The following ADA variants were observed in gnomAD, a reference collection of about 807,000 sequenced individuals.
ADA encodes adenosine aminohydrolase.
A neutral mutation model predicts 49.0 loss-of-function variants in ADA; 45 were observed. The ratio of observed to expected loss-of-function variants is 0.92; its 90% CI spans 0.72 to 1.18. ADA has a LOEUF of 1.18. Among genes scored for constraint, ADA ranks in the 50% most tolerant of loss-of-function variants. The pLI, the probability that ADA is intolerant of heterozygous loss-of-function variation, is 0.00. For synonymous variants in ADA, 173 were observed against 184.2 expected, an observed-to-expected ratio of 0.94 and a Z score of 0.49; for missense variants, 445 against 472.5, an observed-to-expected ratio of 0.94 and a Z score of 0.54.
Position 44,619,795 on chromosome 20 carries a change from G to T in ADA, c.*39C>A. 2.5e-6 allele frequency: 4 copies of T among 1,613,940 alleles called. No individual in the cohort carries two copies. The highest frequency in any genetic ancestry group is 3.4e-6 in the Non-Finnish European group (4 of 1,179,824). On this transcript the variant is annotated 3_prime_UTR_variant, in exon 12 of 12. Coordinates refer to ENST00000372874, the MANE Select transcript of ADA (RefSeq NM_000022.4). ...ATGTTGCTCAGCCCCACAGAGTTGG[G>T]GTGACTCCACAGGGTGAAGGCTTGG...
rs541716298 is a variant in ADA at position 44,644,336 on chromosome 20, C to T, written c.33+7239G>A. On this transcript the variant is annotated intron_variant, in intron 1 of 11. Coordinates refer to ENST00000372874, the MANE Select transcript of ADA (RefSeq NM_000022.4). Reference sequence around the variant, plus strand: ...ATCATGTCGTGTCCTCAGCACCTCGCACAGCACCTAGTGCTCTCTGTGTTC... The same window carrying T: ...ATCATGTCGTGTCCTCAGCACCTCGTACAGCACCTAGTGCTCTCTGTGTTC... Among the ~76,000 whole-genome samples, 18 of 152,218 alleles carry T rather than the reference C, an allele frequency of 1.2e-4. No individual in the cohort carries two copies. The South Asian group carries it at 2.5e-3, about 21-fold the overall frequency.
rs2065308786 is a variant in ADA, at chr20:44,619,670, G to T, written c.*164C>A. The stretch of plus-strand genomic sequence containing the variant: ...ATAATCAGAGAAGTGACGCGGCCAT[G>T]CCGAGGTATACGTGTGTGCAGAAAT... On this transcript the variant is annotated 3_prime_UTR_variant, in exon 12 of 12. Transcript: ENST00000372874. The T allele has an allele frequency of 2.2e-6, 2 of 890,468 alleles. No individual in the cohort carries two copies. Among genetic ancestry groups the T allele is most frequent in the Non-Finnish European group, 3.6e-6 (2 of 553,328 alleles). The allele number at this position is 890,468 out of a possible 1,614,324, so 55.2% of individuals were successfully genotyped here.
intron 5 of ADA, 74 bp from the exon 6 acceptor site, chr20:44,624,403 C>T (rs1410383629): frequency 2.5e-6 from 4 of 1,599,058 alleles, no homozygotes; most frequent in Non-Finnish European, 3.4e-6. Flanking sequence ...TGCCTGCTGT[C>T]CCACCCAAAC....
intron 3 of ADA, among the ~76,000 whole-genome samples, chr20:44,627,374 C>T (rs1008293107): frequency 5.3e-5 from 8 of 151,964 alleles, no homozygotes; most frequent in Non-Finnish European, 8.8e-5. Flanking sequence ...GTAGAGACAG[C>T]GTTTCGCTGT....
rs771872291 is a variant in ADA at position 44,624,306 on chromosome 20, G to A, written c.502C>T (p.Leu168=). 6.2e-7 allele frequency: 1 copy of A among 1,613,848 alleles called. No homozygotes were observed. The highest frequency in any genetic ancestry group is 1.1e-5 in the South Asian group (1 of 91,078). ...GTCTGCTGCTGGTACTTCTTACACA[G>A]CTCCACCACCTTGGGGGACCAGTCT... ...QPNWSPKVVE[L]CKKYQQQTVV... Residue 168 remains leucine, a synonymous_variant, in exon 6 of 12, where the codon CTG becomes TTG. Transcript: ENST00000372874.
chr20:44,647,184 C>T (rs1330967439), intron 1 of ADA, among the ~76,000 whole-genome samples: 2 of 152,004 alleles, frequency 1.3e-5, no homozygotes, highest in African/African-American at 4.8e-5. Context: ...CCTGTAATCC[C>T]GGCACTTTGG....
rs369823091 is a variant in ADA at position 44,632,691 on chromosome 20, T to G, written c.96-3522A>C. 1.7e-4 allele frequency among the ~76,000 whole-genome samples: 26 copies of G among 152,282 alleles called. 1 individual carries two copies. The highest frequency in any genetic ancestry group is 8.5e-4 in the Admixed American group (13 of 15,282). ...CCTCATAGGGCCACCCTCTGTTTTT[T>G]CTTTTGTTTTGTTTTTTTGAGACGG... On this transcript the variant is annotated intron_variant, in intron 2 of 11. Coordinates refer to ENST00000372874, the MANE Select transcript of ADA (RefSeq NM_000022.4).
At chr20:44,645,088 A>C (rs1310423166) in intron 1 of ADA, among the ~76,000 whole-genome samples, 1 of 152,204 alleles carries the variant, frequency 6.6e-6, no homozygotes, top group Non-Finnish European at 1.5e-5. Context: ...ACTGATGCTA[A>C]CATCTAAACA....
intron 1 of ADA, among the ~76,000 whole-genome samples, chr20:44,648,496 A>C (rs2065613575): frequency 6.6e-6 from 1 of 152,044 alleles, no homozygotes; most frequent in Non-Finnish European, 1.5e-5. Context: ...TTTTGGGTTA[A>C]ATGAAGGTTA....
chr20:44,630,294 G>A lies in ADA; in HGVS notation c.96-1125C>T, dbSNP rs535242673. On this transcript the variant is annotated intron_variant, in intron 2 of 11. Coordinates refer to ENST00000372874, the MANE Select transcript of ADA (RefSeq NM_000022.4). Reference sequence around the variant, plus strand: ...AGGGAGTCAGAGGCTGTGGTGAGCCGAGATCATGCTACTGCACTCCAGCCT... The same window carrying A: ...AGGGAGTCAGAGGCTGTGGTGAGCCAAGATCATGCTACTGCACTCCAGCCT... 3.3e-4 allele frequency among the ~76,000 whole-genome samples: 50 copies of A among 150,664 alleles called. 1 individual carries two copies. In the South Asian group the frequency reaches 8.6e-3, roughly 26 times the overall value.
At chr20:44,648,521 T>C (rs367755888) in intron 1 of ADA, among the ~76,000 whole-genome samples, 166 of 152,004 alleles carry the variant, frequency 1.1e-3, no homozygotes, top group Middle Eastern at 3.4e-3. Context: ...GTGGAGATGG[T>C]TGGGAGAAGG....
At chr20:44,627,971 T>A (rs772480069) in intron 3 of ADA, among the ~76,000 whole-genome samples, 130 of 152,326 alleles carry the variant, frequency 8.5e-4, no homozygotes, top group Non-Finnish European at 1.6e-3. Context: ...CTCAAAACAT[T>A]TTCGTTGTTA....
chr20:44,646,703 C>G (rs1322036786), intron 1 of ADA, among the ~76,000 whole-genome samples: 2 of 152,042 alleles, frequency 1.3e-5, no homozygotes, highest in African/African-American at 4.8e-5. Context: ...AGCTGCTAAG[C>G]GGCAGGCAGG....
chr20:44,625,642 C>T lies in ADA; in HGVS notation c.405G>A (p.Gln135=). 1 of 1,579,076 alleles carries T rather than the reference C, an allele frequency of 6.3e-7. No homozygotes were observed. Among genetic ancestry groups the T allele is most frequent in the Non-Finnish European group, 8.6e-7 (1 of 1,161,760 alleles). The change falls in exon 5 of 12, where the codon CAG becomes CAA. Residue 135 remains glutamine, a synonymous_variant. Coordinates refer to ENST00000372874, the MANE Select transcript of ADA (RefSeq NM_000022.4). ...TPDEVVALVG[Q]GLQEGERDFG... is the part of the protein sequence containing the mutation. ...AGTCTCGCTCCCCCTCCTGCAGGCC[C>T]TGGCCCACTAGGGCCACCACCTCGT...
intron 2 of ADA, among the ~76,000 whole-genome samples, chr20:44,630,343 C>T (rs766564442): frequency 2.0e-4 from 27 of 132,644 alleles, no homozygotes; most frequent in Non-Finnish European, 3.5e-4. Context: ...GACTCTGTAT[C>T]ACAAAAAAAA....
chr20:44,648,317 G>A (rs183840867), intron 1 of ADA, among the ~76,000 whole-genome samples: 42 of 152,190 alleles, frequency 2.8e-4, no homozygotes, highest in Non-Finnish European at 4.3e-4. Flanking sequence ...ATCCCCTGAC[G>A]ATGACCCTGC....
At position 44,625,696 on chromosome 20, in the gene ADA, G is replaced by C. The variant is rs367574074; in HGVS notation, c.363-12C>G. On this transcript the variant is annotated splice_polypyrimidine_tract_variant and intron_variant, in intron 4 of 11. Coordinates refer to ENST00000372874, the MANE Select transcript of ADA (RefSeq NM_000022.4). ...GGGTGAGGTCCCCTCTGTGTGAGGAGAGGAGTAGGGATGGGCCTGAGGCAA... is the reference window on the plus strand; with the variant it reads ...GGGTGAGGTCCCCTCTGTGTGAGGACAGGAGTAGGGATGGGCCTGAGGCAA... 25 of 1,551,000 alleles carry C rather than the reference G, an allele frequency of 1.6e-5. No homozygotes were observed. Among genetic ancestry groups the C allele is most frequent in the Admixed American group, 3.9e-5 (2 of 51,352 alleles).
rs1165619768 is a variant in ADA at position 44,619,807 on chromosome 20, G to A, written c.*27C>T. ...CCCACAGAGTTGGGGTGACTCCACA[G>A]GGTGAAGGCTTGGAGGAGTGGCGTC... On this transcript the variant is annotated 3_prime_UTR_variant, in exon 12 of 12. Coordinates refer to ENST00000372874, the MANE Select transcript of ADA (RefSeq NM_000022.4). The A allele has an allele frequency of 6.2e-7, 1 of 1,614,154 alleles. No homozygotes were observed. The highest frequency in any genetic ancestry group is 1.1e-5 in the South Asian group (1 of 91,070).
intron 10 of ADA, 64 bp from the exon 11 acceptor site, chr20:44,620,465 G>T: frequency 7.5e-7 from 1 of 1,337,772 alleles, no homozygotes; most frequent in Non-Finnish European, 1.1e-6. Context: ...TCTTAGCAAT[G>T]TAGTGATAGT....
Sources: gnomAD v4.1 joint callset for allele counts (sites outside exome capture counted in the v4.1 genomes callset) on GRCh38, gnomAD v4.1.1 for gene constraint, MANE v1.5 for transcripts, NCBI Gene and HGNC (gene_info 2026-07-23, HGNC 2026-07-21) for gene names.